P2RY12: variants seen among roughly 807,000 people sequenced by gnomAD.
The protein encoded by P2RY12 is P2Y purinoceptor 12.
P2RY12 carries 3 observed loss-of-function variants against 4.5 expected under a neutral mutation model. The ratio of observed to expected loss-of-function variants is 0.67; its 90% confidence interval spans 0.31 to 1.74. The LOEUF (loss-of-function observed/expected upper bound fraction) is 1.74. P2RY12 is among the 40% of genes most tolerant of loss of function. The pLI, the probability that P2RY12 is intolerant of heterozygous loss-of-function variation, is 0.09. For missense variants in P2RY12, 356 were observed against 407.8 expected (o/e 0.87, Z 1.09); for synonymous variants, 148 against 154.1 (o/e 0.96, Z 0.29).
At chr3:151,368,697 T>G (rs1474524897) in intron 1 of P2RY12, among the ~76,000 whole-genome samples, 510 of 44,342 alleles carry the variant, frequency 0.012, 14 homozygotes, top group African/African-American at 0.054. Flanking sequence ...TTTATTTCAT[T>G]TCATTTCATT....
intron 1 of P2RY12, among the ~76,000 whole-genome samples, chr3:151,368,954 GA>G (rs1755834672): frequency 6.6e-6 from 1 of 151,596 alleles, no homozygotes. Flanking sequence ...TAGAGATGGG[GA>G]TTTCACTGTG....
At chr3:151,372,894 T>C in intron 1 of P2RY12, 5 of 654,400 alleles carry the variant, frequency 7.6e-6, no homozygotes, top group Non-Finnish European at 1.3e-5. Context: ...TCGAAATAAT[T>C]TTAAGTTTGC....
intron 1 of P2RY12, among the ~76,000 whole-genome samples, chr3:151,343,302 A>G (rs6440737): frequency 0.4 from 60,098 of 152,046 alleles, 12,159 homozygotes; most frequent in African/African-American, 0.47. Context: ...AGAATACTTA[A>G]GTCATACTAC....
At chr3:151,367,769 A>G in intron 1 of P2RY12, 3 of 1,602,012 alleles carry the variant, frequency 1.9e-6, no homozygotes, top group Non-Finnish European at 2.6e-6. Flanking sequence ...AGCAGCAGGT[A>G]AGGCAGCATC....
chr3:151,364,585 C>T (rs1755051912), intron 1 of P2RY12, among the ~76,000 whole-genome samples: 2 of 152,110 alleles, frequency 1.3e-5, no homozygotes, highest in South Asian at 4.1e-4. Context: ...ATTAAGAGTA[C>T]TCTTATGTGT....
At chr3:151,368,722 T>G (rs147782738) in intron 1 of P2RY12, among the ~76,000 whole-genome samples, 3,909 of 79,838 alleles carry the variant, frequency 0.049, 180 homozygotes, top group East Asian at 0.1. Flanking sequence ...TTCATTTCAT[T>G]TCATTTCATT....
intron 1 of P2RY12, among the ~76,000 whole-genome samples, chr3:151,363,960 TCATTCCTGGCTGC>T (rs1369354086): frequency 6.6e-6 from 1 of 152,134 alleles, no homozygotes; most frequent in African/African-American, 2.4e-5. Context: ...TTCGAGGGAC[TCATTCCTGGCTGC>T]CATTGATGCA....
intron 1 of P2RY12, among the ~76,000 whole-genome samples, chr3:151,364,470 T>C (rs1051509337): frequency 3.3e-5 from 5 of 152,204 alleles, no homozygotes; most frequent in African/African-American, 9.7e-5. Flanking sequence ...AGACAAGGAA[T>C]GTGCCTCTCT....
intron 1 of P2RY12, among the ~76,000 whole-genome samples, chr3:151,350,671 C>T (rs1753115422): frequency 6.6e-6 from 1 of 152,088 alleles, no homozygotes; most frequent in Non-Finnish European, 1.5e-5. Flanking sequence ...CATATTTGCT[C>T]ACCTTTTCTT....
intron 1 of P2RY12, chr3:151,372,602 T>C: frequency 6.2e-7 from 1 of 1,613,904 alleles, no homozygotes; most frequent in African/African-American, 1.3e-5. Context: ...TGTCAGCTCT[T>C]TAAAGAATGA....
At chr3:151,372,637 A>G (rs757652813) in intron 1 of P2RY12, 4 of 1,613,852 alleles carry the variant, frequency 2.5e-6, no homozygotes, top group Non-Finnish European at 3.4e-6. Context: ...GAGGTTTGCG[A>G]TGTGATGGGA....
At chr3:151,371,116 G>A (rs539345821) in intron 1 of P2RY12, among the ~76,000 whole-genome samples, 7 of 152,266 alleles carry the variant, frequency 4.6e-5, no homozygotes, top group Admixed American at 4.6e-4. Flanking sequence ...CTAGTATGGG[G>A]CTAGCAGGTA....
chr3:151,365,295 G>A, intron 1 of P2RY12: 1 of 1,078,432 alleles, frequency 9.3e-7, no homozygotes, highest in East Asian at 2.4e-5. Flanking sequence ...TAAGTGTCTG[G>A]ACTCACATTT....
chr3:151,374,639 T>G (rs1268668057), intron 1 of P2RY12, among the ~76,000 whole-genome samples: 1 of 152,214 alleles, frequency 6.6e-6, no homozygotes, highest in African/African-American at 2.4e-5. Flanking sequence ...TGTTTGCAAT[T>G]CCATTTTCTC....
At chr3:151,344,861 T>C (rs551602756) in intron 1 of P2RY12, among the ~76,000 whole-genome samples, 2 of 152,322 alleles carry the variant, frequency 1.3e-5, no homozygotes, top group South Asian at 2.1e-4. Context: ...GGTGAAAGGA[T>C]AATACACAGC....
At chr3:151,358,630 G>T (rs1394905047) in intron 1 of P2RY12, among the ~76,000 whole-genome samples, 1 of 151,814 alleles carries the variant, frequency 6.6e-6, no homozygotes, top group African/African-American at 2.4e-5. Context: ...ATTTAGTTTG[G>T]CCTTGAAAAT....
chr3:151,344,015 T>G (rs1471660558), intron 1 of P2RY12, among the ~76,000 whole-genome samples: 1 of 152,150 alleles, frequency 6.6e-6, no homozygotes, highest in Non-Finnish European at 1.5e-5. Flanking sequence ...CTTGGCTTTA[T>G]CCATTGGAAT....
intron 1 of P2RY12, among the ~76,000 whole-genome samples, chr3:151,366,908 A>G (rs1285619323): frequency 6.6e-6 from 1 of 152,184 alleles, no homozygotes; most frequent in Non-Finnish European, 1.5e-5. Flanking sequence ...CCTCATCTAA[A>G]AAATTGGAAT....
intron 1 of P2RY12, among the ~76,000 whole-genome samples, chr3:151,375,203 G>A (rs1560096704): frequency 6.6e-6 from 1 of 152,324 alleles, no homozygotes; most frequent in East Asian, 1.9e-4. Flanking sequence ...TTAGTCTGAT[G>A]TGGGCCCTGG....
Sources: allele counts gnomAD v4.1 joint callset (sites outside exome capture counted in the v4.1 genomes callset), GRCh38; gene constraint gnomAD v4.1.1; transcripts MANE v1.5; gene names NCBI Gene and HGNC (gene_info 2026-07-23, HGNC 2026-07-21).